The following KRABD3 variants were observed in gnomAD, a reference collection of about 807,000 sequenced individuals.
KRABD3 encodes KRAB domain containing 3, also known as KRAB domain-containing protein 3.
the KRABD3 span, chr7:149,722,818 A>G: frequency 3.7e-6 from 6 of 1,610,928 alleles, no homozygotes; most frequent in African/African-American, 6.7e-5. Flanking sequence ...GCAAGGCCTC[A>G]TCAACTGTCT....
the KRABD3 span, chr7:149,723,976 A>T: frequency 7.0e-7 from 1 of 1,422,994 alleles, no homozygotes; most frequent in South Asian, 1.3e-5. Context: ...CCCCACCACA[A>T]ACACTCAGGC....
the KRABD3 span, chr7:149,719,741 T>C: frequency 6.6e-7 from 1 of 1,520,676 alleles, no homozygotes; most frequent in Non-Finnish European, 8.9e-7. This position sits in a 1 kb window ranked among gnomAD's most constrained non-coding sequence, Gnocchi z 5.6. Context: ...CCGGAGTCCC[T>C]GGACCCGGCA....
the KRABD3 span, chr7:149,726,055 G>A: frequency 1.2e-6 from 2 of 1,610,728 alleles, no homozygotes. Flanking sequence ...CAGCATCCTG[G>A]AAAAGGTGAG....
chr7:149,715,836 C>T, the KRABD3 span, among the ~76,000 whole-genome samples: 1 of 152,180 alleles, frequency 6.6e-6, no homozygotes, highest in African/African-American at 2.4e-5. Context: ...CAGGGACAGT[C>T]AAGTGTCCTT....
At chr7:149,719,467 G>C in the KRABD3 span, 2 of 1,457,624 alleles carry the variant, frequency 1.4e-6, no homozygotes, top group Admixed American at 5.4e-5. The surrounding 1 kb of genome is among the most constrained non-coding windows in gnomAD (Gnocchi z 5.6). Context: ...AGGCCTAGGT[G>C]GGGTTACCAA....
At chr7:149,722,945 C>T in the KRABD3 span, 141 of 1,593,014 alleles carry the variant, frequency 8.9e-5, no homozygotes, top group Middle Eastern at 1.7e-4. Flanking sequence ...CCTGGGAGCC[C>T]GCCCTGGGCA....
the KRABD3 span, among the ~76,000 whole-genome samples, chr7:149,727,934 G>A: frequency 6.6e-6 from 1 of 152,212 alleles, no homozygotes; most frequent in Non-Finnish European, 1.5e-5. Flanking sequence ...GCCCAGAGTC[G>A]TCAGCAAATG....
chr7:149,728,644 A>C, the KRABD3 span: 1 of 1,613,520 alleles, frequency 6.2e-7, no homozygotes, highest in Admixed American at 1.7e-5. Context: ...CGAGGAGAGC[A>C]GAGCCCAGGA....
the KRABD3 span, chr7:149,730,385 G>A: frequency 5.1e-6 from 8 of 1,558,376 alleles, no homozygotes; most frequent in African/African-American, 6.8e-5. Context: ...GTGTGCCAGG[G>A]CGCCAGTCAC....
chr7:149,728,457 G>T, the KRABD3 span: 2 of 1,542,824 alleles, frequency 1.3e-6, no homozygotes, highest in Non-Finnish European at 1.8e-6. Flanking sequence ...AGAAGACAGG[G>T]GGCTTCTGCA....
the KRABD3 span, chr7:149,733,214 C>T: frequency 6.2e-7 from 1 of 1,603,058 alleles, no homozygotes; most frequent in Non-Finnish European, 8.5e-7. Context: ...AGCCAAGACC[C>T]ATGAGAGGCT....
chr7:149,730,598 C>T, the KRABD3 span: 2 of 1,602,632 alleles, frequency 1.2e-6, no homozygotes, highest in South Asian at 2.2e-5. Context: ...AGGGGGCGCC[C>T]ATGCGTTCCC....
the KRABD3 span, chr7:149,721,416 T>G: frequency 6.2e-7 from 1 of 1,611,178 alleles, no homozygotes; most frequent in Non-Finnish European, 8.5e-7. Flanking sequence ...CTCCGAGGCC[T>G]GCTCAGCTGC....
chr7:149,721,281 G>C, the KRABD3 span: 1 of 1,400,140 alleles, frequency 7.1e-7, no homozygotes, highest in Non-Finnish European at 9.6e-7. Context: ...TGACATCCTG[G>C]TCATTGTTAG....
the KRABD3 span, chr7:149,728,412 C>A: frequency 7.9e-7 from 1 of 1,269,874 alleles, no homozygotes; most frequent in Non-Finnish European, 1.1e-6. Context: ...GCTCTGTGCC[C>A]AGCACCCCTG....
chr7:149,719,578 G>T, the KRABD3 span: 41 of 1,605,836 alleles, frequency 2.6e-5, no homozygotes, highest in Non-Finnish European at 3.4e-5. This position sits in a 1 kb window ranked among gnomAD's most constrained non-coding sequence, Gnocchi z 5.6. Context: ...TGGCCGTGCG[G>T]TTCTCGGAGG....
the KRABD3 span, chr7:149,729,579 A>ATCAT: frequency 6.1e-6 from 6 of 985,318 alleles, no homozygotes; most frequent in African/African-American, 1.0e-4. Context: ...GGTCGGGAAG[A>ATCAT]TCATTGTTTG....
At chr7:149,725,951 G>A in the KRABD3 span, 1 of 1,602,680 alleles carries the variant, frequency 6.2e-7, no homozygotes, top group Non-Finnish European at 8.5e-7. Context: ...GCCCCAGCAG[G>A]CCCCTGGCCC....
At chr7:149,729,647 A>G in the KRABD3 span, 1 of 985,426 alleles carries the variant, frequency 1.0e-6, no homozygotes, top group Non-Finnish European at 1.2e-6. Context: ...CCCGCCGTCC[A>G]CTGCTGCTGC....
Sources: gnomAD v4.1 joint callset for allele counts (sites outside exome capture counted in the v4.1 genomes callset) on GRCh38, gnomAD v4.1.1 for gene constraint, Gnocchi (gnomAD v3.1) non-coding constraint, MANE v1.5 for transcripts, NCBI Gene and HGNC (gene_info 2026-07-23, HGNC 2026-07-21) for gene names.